HSPA14: variants seen among roughly 807,000 people sequenced by gnomAD.
HSPA14 encodes heat shock protein family A (Hsp70) member 14.
A neutral mutation model predicts 65.5 loss-of-function variants in HSPA14; 37 were observed. That is an observed-to-expected ratio of 0.56 (90% CI 0.43 to 0.74). HSPA14 has a LOEUF of 0.74. HSPA14 is among the 30% of genes least tolerant of loss of function. HSPA14 has a pLI of 0.00. For synonymous variants in HSPA14, 203 were observed against 214.2 expected, an observed-to-expected ratio of 0.95 and a Z score of 0.46; for missense variants, 564 against 607.6, an observed-to-expected ratio of 0.93 and a Z score of 0.75.
intron 3 of HSPA14, among the ~76,000 whole-genome samples, chr10:14,847,584 A>C (rs1399363742): frequency 6.6e-6 from 1 of 152,190 alleles, no homozygotes; most frequent in Non-Finnish European, 1.5e-5. Context: ...AAGTATGAGG[A>C]ACCTGCAAGT....
At chr10:14,868,565 A>G (rs1162577036) in intron 12 of HSPA14, among the ~76,000 whole-genome samples, 1 of 152,168 alleles carries the variant, frequency 6.6e-6, no homozygotes, top group Non-Finnish European at 1.5e-5. Context: ...TGCCATTTGT[A>G]TCTAAATAAA....
At chr10:14,865,072 G>A (rs1457478302) in intron 10 of HSPA14, among the ~76,000 whole-genome samples, 1 of 152,222 alleles carries the variant, frequency 6.6e-6, no homozygotes, top group Non-Finnish European at 1.5e-5. Flanking sequence ...CTGATGGCCA[G>A]TGATGATGAG....
intron 12 of HSPA14, 96 bp from the exon 13 acceptor site, chr10:14,870,501 A>G: frequency 7.3e-7 from 1 of 1,362,652 alleles, no homozygotes; most frequent in South Asian, 1.4e-5. Context: ...GGTTTGTTTC[A>G]GTGATAAATA....
chr10:14,859,169 C>A (rs1832731719), intron 10 of HSPA14, among the ~76,000 whole-genome samples: 1 of 152,148 alleles, frequency 6.6e-6, no homozygotes, highest in South Asian at 2.1e-4. Flanking sequence ...TATCAAAGTT[C>A]TATCACTATG....
chr10:14,869,538 G>A (rs1053972900), intron 12 of HSPA14, among the ~76,000 whole-genome samples: 1 of 151,908 alleles, frequency 6.6e-6, no homozygotes, highest in Non-Finnish European at 1.5e-5. Flanking sequence ...CAGGTGATCT[G>A]CCTGCCTCAG....
At position 14,851,302 on chromosome 10, in the gene HSPA14, A is replaced by C. The variant is rs1010658254; in HGVS notation, c.551A>C (p.Gln184Pro). The C allele has an allele frequency of 6.2e-7, 1 of 1,605,320 alleles. No individual in the cohort carries two copies. The highest frequency in any genetic ancestry group is 8.5e-7 in the Non-Finnish European group (1 of 1,172,580). ...SAALLAYGIG[Q>P]DSPTGKSNIL... is the part of the protein sequence containing the mutation. ...GCTCTTCTTGCTTATGGAATTGGAC[A>C]AGACTCCCCTACTGGAAAAAGGTAA... is the stretch of plus-strand genomic sequence containing the variant. Residue 184 changes from glutamine to proline, a missense_variant, in exon 7 of 14, where the codon CAA becomes CCA. Gln to Pro is a moderately conservative substitution (Grantham distance 76). Transcript: ENST00000378372.
intron 3 of HSPA14, chr10:14,843,353 T>C: frequency 1.3e-6 from 2 of 1,550,644 alleles, no homozygotes; most frequent in Non-Finnish European, 1.7e-6. Flanking sequence ...TTTGCAACAT[T>C]GTTGCTTTGT....
chr10:14,848,595 T>G lies in HSPA14; in HGVS notation c.222-14T>G. ...TTTTAATACTTAGCTATCTTTATCT[T>G]TCTTTATGGACAGCTCCAGTGATCC... On this transcript the variant is annotated splice_polypyrimidine_tract_variant and intron_variant, in intron 3 of 13. Coordinates refer to ENST00000378372, the MANE Select transcript of HSPA14 (RefSeq NM_016299.4). 1.2e-6 allele frequency: 2 copies of G among 1,600,132 alleles called. No homozygotes were observed. Among genetic ancestry groups the G allele is most frequent in the Non-Finnish European group, 1.7e-6 (2 of 1,168,828 alleles).
chr10:14,870,099 T>A (rs1421758104), intron 12 of HSPA14, among the ~76,000 whole-genome samples: 1 of 152,250 alleles, frequency 6.6e-6, no homozygotes. Flanking sequence ...AATTTTATAG[T>A]AAATTCATTA....
intron 10 of HSPA14, among the ~76,000 whole-genome samples, chr10:14,858,941 T>C (rs1054617563): frequency 6.6e-6 from 1 of 152,144 alleles, no homozygotes; most frequent in African/African-American, 2.4e-5. Flanking sequence ...CTCTTCATGC[T>C]TGTGACCGTT....
chr10:14,868,715 A>C (rs779233213), intron 12 of HSPA14, among the ~76,000 whole-genome samples: 18 of 152,232 alleles, frequency 1.2e-4, no homozygotes, highest in Non-Finnish European at 2.1e-4. Context: ...AATAAGTTTG[A>C]AGGTACCAAG....
chr10:14,869,858 C>T (rs1832839608), intron 12 of HSPA14, among the ~76,000 whole-genome samples: 1 of 152,206 alleles, frequency 6.6e-6, no homozygotes. Context: ...TCCATAGCTG[C>T]TGCCACTATA....
At chr10:14,866,809 A>G (rs1832810818) in intron 10 of HSPA14, among the ~76,000 whole-genome samples, 1 of 152,198 alleles carries the variant, frequency 6.6e-6, no homozygotes, top group African/African-American at 2.4e-5. Context: ...AGTATGATGA[A>G]CCAAGTATGT....
chr10:14,843,697 C>G, intron 3 of HSPA14: 1 of 1,541,358 alleles, frequency 6.5e-7, no homozygotes, highest in Non-Finnish European at 8.7e-7. Flanking sequence ...ACTCTCAAAG[C>G]GGGAGGAAGA....
At chr10:14,841,912 ATTG>A (rs764996760) in intron 3 of HSPA14, among the ~76,000 whole-genome samples, 43 of 152,284 alleles carry the variant, frequency 2.8e-4, no homozygotes, top group Middle Eastern at 3.4e-3. Flanking sequence ...TTACAGATCC[ATTG>A]TTGTACCAAC....
At chr10:14,867,644 A>G (rs1028307654) in intron 11 of HSPA14, 92 bp from the exon 12 acceptor site, 3 of 1,097,694 alleles carry the variant, frequency 2.7e-6, no homozygotes, top group African/African-American at 3.2e-5. Flanking sequence ...CTGTTTATCA[A>G]TAAGGAATAT....
At chr10:14,852,769 G>A (rs55767445) in intron 8 of HSPA14, among the ~76,000 whole-genome samples, 7,117 of 152,236 alleles carry the variant, frequency 0.047, 217 homozygotes, top group African/African-American at 0.07. Context: ...TAAAGAGACC[G>A]TCAGATACTG....
chr10:14,844,091 AG>A, intron 3 of HSPA14: 1 of 1,409,876 alleles, frequency 7.1e-7, no homozygotes, highest in Non-Finnish European at 9.2e-7. Flanking sequence ...CAGAAATGCC[AG>A]GGGTGACCTA....
Position 14,871,730 on chromosome 10 carries a change from A to G in HSPA14, c.*124A>G, listed in dbSNP as rs769295054. On this transcript the variant is annotated 3_prime_UTR_variant, in exon 14 of 14. Coordinates refer to ENST00000378372, the MANE Select transcript of HSPA14 (RefSeq NM_016299.4). ...ATAAACTATGTTTTATTAAACTACA[A>G]TATATCAGTAAGTGTTGCAACCCTT... 5 of 511,310 alleles carry G rather than the reference A, an allele frequency of 9.8e-6. No homozygotes were observed. The South Asian group carries it at 1.2e-4, about 12-fold the overall frequency. 31.7% of individuals were successfully genotyped at this position (511,310 alleles called of 1,614,324 possible).
Sources: allele counts gnomAD v4.1 joint callset (sites outside exome capture counted in the v4.1 genomes callset), GRCh38; gene constraint gnomAD v4.1.1; transcripts MANE v1.5; gene names NCBI Gene and HGNC (gene_info 2026-07-23, HGNC 2026-07-21).